Variants in NFYC observed in about 807,000 individuals in gnomAD.
The protein encoded by NFYC is CAAT box DNA-binding protein subunit C.
NFYC carries 25 observed loss-of-function variants against 53.1 expected under a neutral mutation model. The observed-to-expected ratio is 0.47, with a 90% CI of 0.34 to 0.66. The LOEUF is 0.66. Among genes scored for constraint, NFYC ranks in the 30% least tolerant of loss-of-function variants. NFYC has a pLI of 0.01. For missense variants in NFYC, 260 were observed against 422.7 expected (o/e 0.62, Z 3.38); for synonymous variants, 145 against 152.6 (o/e 0.95, Z 0.37).
intron 1 of NFYC, among the ~76,000 whole-genome samples, chr1:40,736,548 T>C (rs1346296881): frequency 6.6e-6 from 1 of 152,130 alleles, no homozygotes; most frequent in Non-Finnish European, 1.5e-5. Context: ...CACTGGCACG[T>C]TAAACCTTTT....
chr1:40,703,557 T>C (rs1338474359), intron 1 of NFYC, among the ~76,000 whole-genome samples: 1 of 151,936 alleles, frequency 6.6e-6, no homozygotes, highest in Non-Finnish European at 1.5e-5. Context: ...GTTGGAGCTG[T>C]GTAGTGGTCA....
At chr1:40,719,157 C>T (rs963330642) in intron 1 of NFYC, among the ~76,000 whole-genome samples, 8 of 152,238 alleles carry the variant, frequency 5.3e-5, no homozygotes, top group Admixed American at 2.0e-4. Context: ...GCGTGAGCCA[C>T]GGCGCCTGGC....
chr1:40,749,285 C>A (rs1427603007), intron 3 of NFYC, among the ~76,000 whole-genome samples: 1 of 152,142 alleles, frequency 6.6e-6, no homozygotes, highest in Non-Finnish European at 1.5e-5. Context: ...TGGCTGTGGG[C>A]AAGTCACTTC....
chr1:40,707,143 C>G (rs1643731177), intron 1 of NFYC, among the ~76,000 whole-genome samples: 1 of 150,732 alleles, frequency 6.6e-6, no homozygotes, highest in Non-Finnish European at 1.5e-5. Flanking sequence ...GTACTCTAGC[C>G]TAGGTGACAG....
chr1:40,763,447 A>G (rs1235257148), intron 7 of NFYC: 2 of 453,472 alleles, frequency 4.4e-6, no homozygotes, highest in Non-Finnish European at 8.8e-6. Flanking sequence ...CCCAGGTTCA[A>G]GCGATTCTCC....
intron 1 of NFYC, chr1:40,712,696 C>T (rs1046292786): frequency 8.2e-5 from 9 of 109,166 alleles, no homozygotes; most frequent in Middle Eastern, 9.1e-3. Context: ...GACGAGGTCT[C>T]GCTCTGTTGC....
intron 1 of NFYC, among the ~76,000 whole-genome samples, chr1:40,715,490 A>G (rs1410089093): frequency 6.6e-6 from 1 of 151,104 alleles, no homozygotes; most frequent in Non-Finnish European, 1.5e-5. Flanking sequence ...GGATCTTTCT[A>G]CCTCAGCCTC....
At chr1:40,744,704 G>T (rs1012266383) in intron 2 of NFYC, among the ~76,000 whole-genome samples, 4 of 152,306 alleles carry the variant, frequency 2.6e-5, no homozygotes, top group Middle Eastern at 3.4e-3. Context: ...CCAAAAGTAG[G>T]GGGGAGCAGT....
Position 40,692,848 on chromosome 1 carries a change from T to C in NFYC, c.-9+981T>C, listed in dbSNP as rs1642908434. On this transcript the variant is annotated intron_variant, in intron 1 of 9. Coordinates refer to ENST00000447388, the MANE Select transcript of NFYC (RefSeq NM_014223.5). The stretch of plus-strand genomic sequence containing the variant: ...ATAGGAAGCATTTTAGGGGACATTT[T>C]CGGACTTGGGAAGTGTATTAATAGA... Among the ~76,000 whole-genome samples, 3 of 152,192 alleles carry C rather than the reference T, an allele frequency of 2.0e-5. No homozygotes were observed. In the South Asian group the frequency reaches 6.2e-4, roughly 31 times the overall value.
chr1:40,734,934 G>A (rs1289788018), intron 1 of NFYC: 2 of 152,168 alleles, frequency 1.3e-5, no homozygotes, highest in African/African-American at 4.8e-5. Flanking sequence ...TTTATAAAAA[G>A]AGTTTGCTGG....
intron 6 of NFYC, among the ~76,000 whole-genome samples, chr1:40,759,250 G>T (rs1239787146): frequency 8.5e-6 from 1 of 117,270 alleles, no homozygotes; most frequent in Admixed American, 8.7e-5. Flanking sequence ...AAAAAAAAAA[G>T]GCAGGGGCAT....
At chr1:40,713,692 C>A (rs1038936264) in intron 1 of NFYC, among the ~76,000 whole-genome samples, 3 of 152,186 alleles carry the variant, frequency 2.0e-5, no homozygotes, top group African/African-American at 4.8e-5. Flanking sequence ...TGCCCTAATC[C>A]AAGTCTTTCA....
intron 1 of NFYC, chr1:40,730,606 G>T: frequency 1.0e-6 from 1 of 985,248 alleles, no homozygotes; most frequent in Non-Finnish European, 1.2e-6. Context: ...GAGTGAAGAA[G>T]GTAAGTGCCT....
At chr1:40,758,399 C>T in intron 6 of NFYC, 105 bp downstream of exon 6, 4 of 1,257,430 alleles carry the variant, frequency 3.2e-6, no homozygotes, top group African/African-American at 1.5e-5. Context: ...CATTATAGAG[C>T]ACTGGATTTA....
chr1:40,761,818 T>G (rs181804193), intron 6 of NFYC, among the ~76,000 whole-genome samples: 215 of 152,292 alleles, frequency 1.4e-3, no homozygotes, highest in Non-Finnish European at 1.3e-3. Flanking sequence ...TTCCATAGTC[T>G]TCTTATTGAG....
chr1:40,736,405 C>T (rs971436919), intron 1 of NFYC, among the ~76,000 whole-genome samples: 6 of 152,192 alleles, frequency 3.9e-5, no homozygotes, highest in African/African-American at 1.4e-4. Context: ...ATAGAGTGTT[C>T]TGCCCAGTAT....
chr1:40,766,569 G>A (rs892043058), intron 7 of NFYC, 27 bp from the exon 8 acceptor site: 16 of 1,549,712 alleles, frequency 1.0e-5, no homozygotes, highest in Non-Finnish European at 1.3e-5. Context: ...ATGTCTTATG[G>A]TCTCTTTGTC....
chr1:40,765,324 T>A (rs974576923), intron 7 of NFYC, among the ~76,000 whole-genome samples: 7 of 152,206 alleles, frequency 4.6e-5, no homozygotes, highest in African/African-American at 1.7e-4. Context: ...TGTCCCTCCA[T>A]CTTGCCTCAA....
At chr1:40,738,519 C>T (rs577948938) in intron 1 of NFYC, among the ~76,000 whole-genome samples, 123 of 152,274 alleles carry the variant, frequency 8.1e-4, no homozygotes, top group Middle Eastern at 3.4e-3. Context: ...ACTTTCCTCA[C>T]CCCACACCCA....
Sources: allele counts gnomAD v4.1 joint callset (sites outside exome capture counted in the v4.1 genomes callset), GRCh38; gene constraint gnomAD v4.1.1; transcripts MANE v1.5; gene names NCBI Gene and HGNC (gene_info 2026-07-23, HGNC 2026-07-21).